FARP1: variants seen among roughly 807,000 people sequenced by gnomAD.
The protein encoded by FARP1 is FERM, ARH/RhoGEF and pleckstrin domain protein 1.
Under a neutral mutation model 128.8 loss-of-function variants are expected in FARP1, and 52 were observed. The ratio of observed to expected loss-of-function variants is 0.40; its 90% CI spans 0.32 to 0.51. The LOEUF (loss-of-function observed/expected upper bound fraction) is 0.51. Among genes scored for constraint, FARP1 ranks in the 20% least tolerant of loss-of-function variants. The probability of loss-of-function intolerance (pLI) is 0.45; values close to 1 mark genes in which losing one functional copy is unlikely to be tolerated. For missense variants in FARP1, 1,333 were observed against 1,367.9 expected (o/e 0.97, Z 0.40); for synonymous variants, 580 against 551.8 (o/e 1.05, Z -0.72).
chr13:98,149,552 A>C (rs1875823160), intron 1 of FARP1, among the ~76,000 whole-genome samples: 1 of 151,948 alleles, frequency 6.6e-6, no homozygotes, highest in African/African-American at 2.4e-5. Context: ...GATGTATGAG[A>C]CTTCTAGTTA....
At chr13:98,430,981 G>A (rs1332238651) in intron 17 of FARP1, 62 bp from the exon 18 acceptor site, 2 of 1,050,434 alleles carry the variant, frequency 1.9e-6, no homozygotes, top group Admixed American at 2.0e-5. Context: ...AGTGAAACTG[G>A]GCAGAACACA....
chr13:98,277,594 G>A (rs913613970), intron 2 of FARP1, among the ~76,000 whole-genome samples: 1 of 152,174 alleles, frequency 6.6e-6, no homozygotes, highest in Non-Finnish European at 1.5e-5. Context: ...TGGGAAAGGG[G>A]TGAGGCCTTC....
chr13:98,215,610 T>A (rs180842136), intron 2 of FARP1, among the ~76,000 whole-genome samples: 56 of 152,332 alleles, frequency 3.7e-4, no homozygotes, highest in Non-Finnish European at 2.6e-4. Context: ...ATAGTAGTAA[T>A]GACATGCACG....
chr13:98,149,684 T>A (rs1875834040), intron 1 of FARP1, among the ~76,000 whole-genome samples: 1 of 151,758 alleles, frequency 6.6e-6, no homozygotes, highest in Non-Finnish European at 1.5e-5. Context: ...ATGTACTTAT[T>A]GACCATTTAT....
intron 2 of FARP1, among the ~76,000 whole-genome samples, chr13:98,308,960 C>T (rs1204521167): frequency 6.6e-6 from 1 of 151,926 alleles, no homozygotes; most frequent in African/African-American, 2.4e-5. Context: ...GGATTACAGG[C>T]GTGAGCCACT....
intron 1 of FARP1, among the ~76,000 whole-genome samples, chr13:98,149,139 C>T (rs1215663719): frequency 2.6e-5 from 4 of 152,186 alleles, no homozygotes; most frequent in Admixed American, 6.6e-5. Flanking sequence ...CCTCCTGCCT[C>T]GGCCTCCCAA....
chr13:98,362,797 T>C (rs1315232149), intron 3 of FARP1, among the ~76,000 whole-genome samples: 1 of 152,188 alleles, frequency 6.6e-6, no homozygotes, highest in African/African-American at 2.4e-5. Flanking sequence ...CATCCTGCAG[T>C]GCTCGCTATC....
intron 2 of FARP1, among the ~76,000 whole-genome samples, chr13:98,309,153 C>CCTTTT (rs1886327761): frequency 1.1e-5 from 1 of 89,670 alleles, no homozygotes; most frequent in Non-Finnish European, 2.1e-5. Flanking sequence ...TTTAAGAGGC[C>CCTTTT]TTTTTTTTTT....
At position 98,445,825 on chromosome 13, in the gene FARP1, T is replaced by G. The variant is rs574222529; in HGVS notation, c.2797-273T>G. On this transcript the variant is annotated intron_variant, in intron 24 of 26. Coordinates refer to ENST00000319562, the MANE Select transcript of FARP1 (RefSeq NM_005766.4). ...ACGAGCCTATTTCCAAATAAGCCTG[T>G]GTTCTAAGGTACTGGTAGTCAGGAC... is the stretch of plus-strand genomic sequence containing the variant. The G allele has an allele frequency of 3.5e-5, 12 of 345,964 alleles. No individual in the cohort carries two copies. The South Asian group carries it at 4.5e-4, about 13-fold the overall frequency. 21.4% of individuals were successfully genotyped at this position (345,964 alleles called of 1,614,324 possible). A position where few individuals can be genotyped will look rare whatever the true frequency, so the allele number is the denominator to read the frequency against.
In FARP1 at chr13:98,439,168, A is replaced by G. The variant is rs113277361; in HGVS notation, c.2405A>G (p.His802Arg). The part of the protein sequence containing the change: ...GLTASNQFKV[H>R]GQLPLYGMTI... ...ACGGCCTCCAATCAGTTTAAAGTCC[A>G]CGGGCAGCTCCCGCTCTATGGCATG... The change falls in exon 21 of 27, where the codon CAC (histidine) becomes CGC (arginine). Residue 802 changes from histidine to arginine, a missense_variant. Physicochemically the swap from His to Arg is conservative, Grantham distance 29. Around this residue, in one of 2 missense-constraint regions of FARP1, gnomAD observed 1,009 missense variants for 969.8 expected, o/e 1.04. Transcript: ENST00000319562. The G allele has an allele frequency of 6.2e-7, 1 of 1,613,784 alleles. No individual in the cohort carries two copies. Among genetic ancestry groups the G allele is most frequent in the Non-Finnish European group, 8.5e-7 (1 of 1,179,828 alleles).
intron 2 of FARP1, among the ~76,000 whole-genome samples, chr13:98,233,477 T>A (rs748319933): frequency 2.9e-4 from 44 of 152,070 alleles, no homozygotes; most frequent in Non-Finnish European, 5.0e-4. Flanking sequence ...GAGTCCCAGC[T>A]CCTTCCCCCA....
At chr13:98,355,949 G>C (rs1381459633) in intron 3 of FARP1, among the ~76,000 whole-genome samples, 4 of 152,078 alleles carry the variant, frequency 2.6e-5, no homozygotes, top group Non-Finnish European at 4.4e-5. Context: ...GAATTCCATA[G>C]TGGTCAGAAA....
rs539991760 is a variant in FARP1 at position 98,449,694 on chromosome 13, G to T, written c.*1377G>T. The T allele has an allele frequency of 1.3e-5, 2 of 152,442 alleles. No homozygotes were observed. The highest frequency in any genetic ancestry group is 4.8e-5 in the African/African-American group (2 of 41,336). 9.4% of individuals were successfully genotyped at this position (152,442 alleles called of 1,614,324 possible). ...ATTTGCCTTACAAGATGTACCAGAC[G>T]GTTTCCAGTACTAACAAAGGGAATA... is the stretch of plus-strand genomic sequence containing the variant. On this transcript the variant is annotated 3_prime_UTR_variant, in exon 27 of 27. Coordinates refer to ENST00000319562, the MANE Select transcript of FARP1 (RefSeq NM_005766.4).
intron 13 of FARP1, 127 bp from the exon 14 acceptor site, chr13:98,409,211 C>A: frequency 1.5e-6 from 1 of 683,084 alleles, no homozygotes; most frequent in Non-Finnish European, 2.4e-6. Flanking sequence ...AATAAAGAAT[C>A]GCTTTAGGTT....
chr13:98,216,032 G>A (rs531215821), intron 2 of FARP1, among the ~76,000 whole-genome samples: 3 of 152,178 alleles, frequency 2.0e-5, no homozygotes, highest in Admixed American at 1.3e-4. Context: ...CTCGTGATCC[G>A]TCCGCCTTGG....
chr13:98,386,324 T>A (rs774406423), intron 8 of FARP1, among the ~76,000 whole-genome samples: 5 of 152,146 alleles, frequency 3.3e-5, no homozygotes, highest in Non-Finnish European at 5.9e-5. Flanking sequence ...GCCACATTCT[T>A]GCAATTTTGT....
At chr13:98,386,291 A>C (rs1357759046) in intron 8 of FARP1, among the ~76,000 whole-genome samples, 2 of 151,400 alleles carry the variant, frequency 1.3e-5, no homozygotes, top group Non-Finnish European at 2.9e-5. Context: ...TTTAAGATAC[A>C]GCAGTTTTAT....
At chr13:98,388,147 C>T (rs1890169620) in intron 8 of FARP1, among the ~76,000 whole-genome samples, 1 of 152,142 alleles carries the variant, frequency 6.6e-6, no homozygotes, top group East Asian at 1.9e-4. Flanking sequence ...CTAGTTTCTT[C>T]TCTCCCTAGA....
intron 2 of FARP1, among the ~76,000 whole-genome samples, chr13:98,220,973 CT>C (rs1467238646): frequency 2.6e-5 from 4 of 152,084 alleles, no homozygotes; most frequent in Admixed American, 1.3e-4. Context: ...TGAAAAGCTG[CT>C]TTTTTTCTCT....
Sources: gnomAD v4.1 joint callset for allele counts (sites outside exome capture counted in the v4.1 genomes callset) on GRCh38, gnomAD v4.1.1 for gene constraint, gnomAD v4.1.1 regional missense constraint, MANE v1.5 for transcripts, NCBI Gene and HGNC (gene_info 2026-07-23, HGNC 2026-07-21) for gene names.